The following C10orf90 variants were observed in gnomAD, a reference collection of about 807,000 sequenced individuals.
The protein encoded by C10orf90 is (E2-independent) E3 ubiquitin-conjugating enzyme FATS.
C10orf90 carries 56 observed loss-of-function variants against 62.5 expected under a neutral mutation model. The observed-to-expected ratio is 0.90, with a 90% CI of 0.72 to 1.12. The LOEUF (loss-of-function observed/expected upper bound fraction) is 1.12. C10orf90 is among the 50% of genes most tolerant of loss of function. The pLI, the probability that C10orf90 is intolerant of heterozygous loss-of-function variation, is 0.00. For synonymous variants in C10orf90, 386 were observed against 340.4 expected (o/e 1.13, Z -1.47); for missense variants, 970 against 880.4 (o/e 1.10, Z -1.29).
In C10orf90 at chr10:126,532,396, C is replaced by G. The variant is rs796945346; in HGVS notation, c.314-18457G>C. 3.7e-4 allele frequency among the ~76,000 whole-genome samples: 56 copies of G among 152,202 alleles called. 1 individual carries two copies. Among genetic ancestry groups the G allele is most frequent in the African/African-American group, 1.1e-3 (46 of 41,542 alleles). ...ATCACAATTGCATCTTTCTCCCATT[C>G]CCTATCCTGTTTCTTGGTCCCAGAA... On this transcript the variant is annotated intron_variant, in intron 2 of 9. Coordinates refer to ENST00000488181, the MANE Select transcript of C10orf90 (RefSeq NM_001350921.2).
At chr10:126,646,223 T>C (rs1335541522) in intron 2 of C10orf90, among the ~76,000 whole-genome samples, 1 of 152,238 alleles carries the variant, frequency 6.6e-6, no homozygotes, top group Non-Finnish European at 1.5e-5. Context: ...GCATCCACTT[T>C]GTTCTGAGAA....
chr10:126,430,339 T>A (rs1857499641), intron 7 of C10orf90, among the ~76,000 whole-genome samples: 1 of 152,176 alleles, frequency 6.6e-6, no homozygotes, highest in African/African-American at 2.4e-5. Flanking sequence ...CCTTGCCCCC[T>A]TCCTAATGTG....
At chr10:126,549,143 A>G (rs754069812) in intron 2 of C10orf90, among the ~76,000 whole-genome samples, 1 of 152,254 alleles carries the variant, frequency 6.6e-6, no homozygotes, top group Non-Finnish European at 1.5e-5. Context: ...GATCCACAAA[A>G]GGAAAAATTG....
At chr10:126,492,880 C>T (rs1861838581) in intron 4 of C10orf90, among the ~76,000 whole-genome samples, 1 of 152,088 alleles carries the variant, frequency 6.6e-6, no homozygotes. Context: ...TATTCTTTGA[C>T]CAGAAGTTCT....
intron 1 of C10orf90, among the ~76,000 whole-genome samples, chr10:126,654,560 T>C (rs1284527256): frequency 3.9e-5 from 6 of 152,216 alleles, no homozygotes; most frequent in Non-Finnish European, 5.9e-5. Flanking sequence ...ACTCAAACTT[T>C]CTCCATATCA....
chr10:126,524,156 G>A (rs1441672728), intron 2 of C10orf90, among the ~76,000 whole-genome samples: 1 of 152,118 alleles, frequency 6.6e-6, no homozygotes, highest in African/African-American at 2.4e-5. Context: ...TGTTTTGAGA[G>A]GTGGGTGGGG....
chr10:126,440,136 T>A (rs1858209161), intron 7 of C10orf90, among the ~76,000 whole-genome samples: 1 of 152,188 alleles, frequency 6.6e-6, no homozygotes, highest in Non-Finnish European at 1.5e-5. Flanking sequence ...CTTTCACAGC[T>A]GGGCGGCAGG....
At chr10:126,637,210 G>A (rs1300313440) in intron 2 of C10orf90, among the ~76,000 whole-genome samples, 1 of 152,200 alleles carries the variant, frequency 6.6e-6, no homozygotes, top group Admixed American at 6.5e-5. Context: ...CTGATGCCAG[G>A]AGGAGGGCAG....
intron 2 of C10orf90, among the ~76,000 whole-genome samples, chr10:126,586,548 G>T (rs974516452): frequency 1.1e-4 from 16 of 152,218 alleles, no homozygotes; most frequent in Admixed American, 5.2e-4. Flanking sequence ...CGGCACCTTC[G>T]AAATGGCCAT....
chr10:126,628,832 G>A (rs555015661), intron 2 of C10orf90, among the ~76,000 whole-genome samples: 30 of 152,306 alleles, frequency 2.0e-4, no homozygotes, highest in African/African-American at 7.0e-4. Context: ...GTTCCTCACT[G>A]GCAGGAGTGC....
chr10:126,528,513 G>A (rs77194902), intron 2 of C10orf90, among the ~76,000 whole-genome samples: 3,662 of 150,236 alleles, frequency 0.024, 144 homozygotes, highest in African/African-American at 0.081. Flanking sequence ...GCGTGGTGGC[G>A]AAACTCATTT....
rs375519310 is a variant in C10orf90, at chr10:126,533,079, C to G, written c.314-19140G>C. 4.4e-4 allele frequency among the ~76,000 whole-genome samples: 67 copies of G among 151,270 alleles called. No homozygotes were observed. The South Asian group carries it at 0.011, about 24-fold the overall frequency. On this transcript the variant is annotated intron_variant, in intron 2 of 9. Coordinates refer to ENST00000488181, the MANE Select transcript of C10orf90 (RefSeq NM_001350921.2). ...TCCGGAGTAGCTGGGACTACAGGAA[C>G]CCGCCACCACGCCCGGCTAATGTTT...
chr10:126,529,561 A>G (rs544389367), intron 2 of C10orf90, among the ~76,000 whole-genome samples: 10 of 152,360 alleles, frequency 6.6e-5, no homozygotes, highest in African/African-American at 2.4e-4. Flanking sequence ...AAAAATAAGC[A>G]AAGACAAAAT....
chr10:126,499,530 T>C (rs1862261345), intron 4 of C10orf90, among the ~76,000 whole-genome samples: 1 of 152,224 alleles, frequency 6.6e-6, no homozygotes, highest in Admixed American at 6.5e-5. Flanking sequence ...TAGGCTTGGC[T>C]TGTGTGTACA....
At chr10:126,617,366 C>A (rs1409314988) in intron 2 of C10orf90, among the ~76,000 whole-genome samples, 2 of 152,186 alleles carry the variant, frequency 1.3e-5, no homozygotes, top group Non-Finnish European at 1.5e-5. Flanking sequence ...AACACCACAG[C>A]CTGTCATGTG....
Position 126,625,349 on chromosome 10 carries a change from G to A in C10orf90, c.313+21216C>T, listed in dbSNP as rs796499638. 4.6e-5 allele frequency among the ~76,000 whole-genome samples: 7 copies of A among 152,220 alleles called. 1 individual carries two copies. Among genetic ancestry groups the A allele is most frequent in the African/African-American group, 1.4e-4 (6 of 41,552 alleles). On this transcript the variant is annotated intron_variant, in intron 2 of 9. Coordinates refer to ENST00000488181, the MANE Select transcript of C10orf90 (RefSeq NM_001350921.2). ...GAAATATGTCCATTAGCATAGTGAG[G>A]CCCCTAGGAGGCCCCTCAGTAAAGA...
chr10:126,460,131 A>G (rs1272384119), intron 6 of C10orf90, among the ~76,000 whole-genome samples: 2 of 152,196 alleles, frequency 1.3e-5, no homozygotes, highest in Non-Finnish European at 2.9e-5. Context: ...CCCCAGCCTG[A>G]AGTACCACCC....
chr10:126,597,730 A>G (rs554860371), intron 2 of C10orf90, among the ~76,000 whole-genome samples: 1 of 152,294 alleles, frequency 6.6e-6, no homozygotes, highest in African/African-American at 2.4e-5. Flanking sequence ...ATGAATGACT[A>G]GATTTGGAGA....
intron 4 of C10orf90, chr10:126,470,016 G>A (rs1860490126): frequency 2.2e-6 from 1 of 456,678 alleles, no homozygotes; most frequent in Admixed American, 2.3e-5. Context: ...TGCAGTGGAG[G>A]GAAAGGCATT....
Sources: gnomAD v4.1 joint callset for allele counts (sites outside exome capture counted in the v4.1 genomes callset) on GRCh38, gnomAD v4.1.1 for gene constraint, MANE v1.5 for transcripts, NCBI Gene and HGNC (gene_info 2026-07-23, HGNC 2026-07-21) for gene names.